GAB1: variants seen among roughly 807,000 people sequenced by gnomAD.
GAB1 encodes the protein GRB2-associated-binding protein 1.
GAB1 carries 19 observed loss-of-function variants against 66.5 expected under a neutral mutation model. That is an observed-to-expected ratio of 0.29 (90% confidence interval 0.20 to 0.42). The LOEUF (loss-of-function observed/expected upper bound fraction) is 0.42, where lower values mean the gene tolerates loss of function less well. Among genes scored for constraint, GAB1 ranks in the 10% least tolerant of loss-of-function variants. GAB1 has a pLI of 1.00. For missense variants in GAB1, 732 were observed against 858.5 expected, an observed-to-expected ratio of 0.85 and a Z score of 1.84; for synonymous variants, 294 against 301.4, an observed-to-expected ratio of 0.98 and a Z score of 0.25.
chr4:143,395,790 C>G (rs1252773998), intron 1 of GAB1: 6 of 423,558 alleles, frequency 1.4e-5, no homozygotes, highest in African/African-American at 1.2e-4. Context: ...TCTTTTAAAG[C>G]ATATCCCTCC....
chr4:143,340,290 T>C (rs980616746), intron 1 of GAB1, among the ~76,000 whole-genome samples: 12 of 152,294 alleles, frequency 7.9e-5, no homozygotes, highest in East Asian at 3.9e-4. Context: ...TAATGATTTG[T>C]AATGAATGGA....
chr4:143,434,835 A>G (rs1286605162), intron 3 of GAB1, among the ~76,000 whole-genome samples: 1 of 152,060 alleles, frequency 6.6e-6, no homozygotes. Context: ...TTGATGTTGA[A>G]TAGTTAGAAG....
chr4:143,445,846 G>C (rs191124920), intron 6 of GAB1, among the ~76,000 whole-genome samples: 74 of 152,166 alleles, frequency 4.9e-4, no homozygotes, highest in African/African-American at 1.6e-3. Context: ...ACAATGTGCA[G>C]GTTAGTTACA....
chr4:143,375,787 T>C (rs28989221), intron 1 of GAB1, among the ~76,000 whole-genome samples: 6,464 of 152,272 alleles, frequency 0.042, 144 homozygotes, highest in African/African-American at 0.052. Context: ...TTGTTTGTTG[T>C]GTGGCCTGCC....
chr4:143,351,647 A>C (rs1047964731), intron 1 of GAB1, among the ~76,000 whole-genome samples: 1 of 152,088 alleles, frequency 6.6e-6, no homozygotes, highest in Non-Finnish European at 1.5e-5. Flanking sequence ...TCTACCAGGC[A>C]CTTCCCTTCC....
chr4:143,454,621 C>T lies in GAB1; in HGVS notation c.1586-4764C>T, dbSNP rs530614998. On this transcript the variant is annotated intron_variant, in intron 6 of 9. Transcript: ENST00000262994. ...CATTTCAGCAGCTGCTAGGTAAAACCGGTCTTAGGGTTGCAGCAGGTTGTT... is the reference window on the plus strand; with the variant it reads ...CATTTCAGCAGCTGCTAGGTAAAACTGGTCTTAGGGTTGCAGCAGGTTGTT... Among the ~76,000 whole-genome samples the T allele has an allele frequency of 6.6e-5, 10 of 152,236 alleles. No homozygotes were observed. In the South Asian group the frequency reaches 1.9e-3, roughly 28 times the overall value.
chr4:143,391,556 A>C (rs1381486368), intron 1 of GAB1: 1 of 152,084 alleles, frequency 6.6e-6, no homozygotes, highest in Non-Finnish European at 1.5e-5. Flanking sequence ...TCTTGGGAGC[A>C]AGGTAGTTAT....
intron 7 of GAB1, among the ~76,000 whole-genome samples, chr4:143,459,697 G>C (rs1735383365): frequency 6.6e-6 from 1 of 152,004 alleles, no homozygotes; most frequent in Non-Finnish European, 1.5e-5. Context: ...GTTTTCCAGA[G>C]GCTACATGAT....
intron 2 of GAB1, among the ~76,000 whole-genome samples, chr4:143,431,433 C>T (rs1233185925): frequency 6.6e-6 from 1 of 152,124 alleles, no homozygotes; most frequent in Non-Finnish European, 1.5e-5. Flanking sequence ...AACATAAAGG[C>T]CTTTTAAATA....
rs371145572 is a variant in GAB1 at position 143,346,243 on chromosome 4, G to A, written c.72+8983G>A. On this transcript the variant is annotated intron_variant, in intron 1 of 9. Transcript: ENST00000262994. ...TGTTAATTTGTGTCACTCTTACTTAGTAATCAAGAATAGAAATAATAATGT... is the reference window on the plus strand; with the variant it reads ...TGTTAATTTGTGTCACTCTTACTTAATAATCAAGAATAGAAATAATAATGT... Among the ~76,000 whole-genome samples the A allele has an allele frequency of 9.3e-4, 141 of 152,268 alleles. 2 individuals are homozygous for A. In the South Asian group the frequency reaches 0.028, roughly 30 times the overall value.
At chr4:143,364,059 G>T (rs1238857285) in intron 1 of GAB1, among the ~76,000 whole-genome samples, 1 of 151,988 alleles carries the variant, frequency 6.6e-6, no homozygotes, top group Non-Finnish European at 1.5e-5. Flanking sequence ...ATGGTGGCAG[G>T]CACCTGTAAT....
At chr4:143,363,362 G>A (rs534895901) in intron 1 of GAB1, among the ~76,000 whole-genome samples, 2 of 152,300 alleles carry the variant, frequency 1.3e-5, no homozygotes, top group East Asian at 3.9e-4. Context: ...GGTGCTGTGG[G>A]CATTGGTGAG....
chr4:143,472,163 G>T lies in GAB1; in HGVS notation c.*2974G>T, dbSNP rs918854857. The T allele has an allele frequency of 6.6e-6, 1 of 152,040 alleles. No individual in the cohort carries two copies. Among genetic ancestry groups the T allele is most frequent in the Non-Finnish European group, 1.5e-5 (1 of 67,980 alleles). 9.4% of individuals were successfully genotyped at this position (152,040 alleles called of 1,614,324 possible). ...AGATATCATTTAGTAAGATGTAAAA[G>T]ATTTTTTAAATCTACACTTCAGTTT... On this transcript the variant is annotated 3_prime_UTR_variant, in exon 10 of 10. Transcript: ENST00000262994.
At chr4:143,394,297 G>A (rs551409882) in intron 1 of GAB1, among the ~76,000 whole-genome samples, 2 of 151,960 alleles carry the variant, frequency 1.3e-5, no homozygotes, top group East Asian at 3.9e-4. Flanking sequence ...CAAAAAAAAG[G>A]TAGTCAGCAG....
intron 6 of GAB1, among the ~76,000 whole-genome samples, chr4:143,442,561 C>T (rs1234050701): frequency 6.6e-6 from 1 of 152,108 alleles, no homozygotes; most frequent in Non-Finnish European, 1.5e-5. Flanking sequence ...TCCTCTAGGT[C>T]TGATATCACT....
chr4:143,405,944 A>C (rs1432571098), intron 1 of GAB1, among the ~76,000 whole-genome samples: 3 of 152,172 alleles, frequency 2.0e-5, no homozygotes, highest in East Asian at 3.9e-4. Flanking sequence ...TTTGCAAACC[A>C]TGGGGAGAAA....
At chr4:143,428,296 G>A (rs570832177) in intron 2 of GAB1, among the ~76,000 whole-genome samples, 3 of 152,116 alleles carry the variant, frequency 2.0e-5, no homozygotes, top group Non-Finnish European at 4.4e-5. Flanking sequence ...ATGTGTCTTG[G>A]GGGGTTGTAT....
At chr4:143,388,022 A>AG (rs1251924360) in intron 1 of GAB1, among the ~76,000 whole-genome samples, 1 of 152,146 alleles carries the variant, frequency 6.6e-6, no homozygotes, top group African/African-American at 2.4e-5. Flanking sequence ...GGCTGGGCAG[A>AG]GGGGGTTTCT....
chr4:143,431,112 G>A (rs2175346), intron 2 of GAB1, among the ~76,000 whole-genome samples: 138,315 of 152,202 alleles, frequency 0.91, 63,066 homozygotes, highest in East Asian at 1. Flanking sequence ...CACATATATA[G>A]CTACACAGAC....
Sources: gnomAD v4.1 joint callset for allele counts (sites outside exome capture counted in the v4.1 genomes callset) on GRCh38, gnomAD v4.1.1 for gene constraint, MANE v1.5 for transcripts, NCBI Gene and HGNC (gene_info 2026-07-23, HGNC 2026-07-21) for gene names.